The following UBAP2 variants were observed in gnomAD, a reference collection of about 807,000 sequenced individuals.
The protein encoded by UBAP2 is ubiquitin-associated protein 2.
In UBAP2, 75 loss-of-function variants were observed where a neutral mutation model predicts 139.6. The ratio of observed to expected loss-of-function variants is 0.54; its 90% CI spans 0.45 to 0.65. UBAP2 has a LOEUF of 0.65. Ranked by LOEUF, UBAP2 falls within the 30% of genes least tolerant of loss-of-function variation. UBAP2 has a pLI of 0.00. For missense variants in UBAP2, 1,368 were observed against 1,369.6 expected, an observed-to-expected ratio of 1.00 and a Z score of 0.02; for synonymous variants, 526 against 526.2, an observed-to-expected ratio of 1.00 and a Z score of 0.01.
chr9:33,999,164 T>C (rs1375448454), intron 2 of UBAP2, among the ~76,000 whole-genome samples: 1 of 152,022 alleles, frequency 6.6e-6, no homozygotes, highest in East Asian at 1.9e-4. Context: ...GGAAATCAGC[T>C]CAAGAGAAAG....
intron 12 of UBAP2, among the ~76,000 whole-genome samples, chr9:33,949,812 G>C (rs1825954300): frequency 6.6e-6 from 1 of 152,128 alleles, no homozygotes; most frequent in Non-Finnish European, 1.5e-5. Context: ...CGATACATAG[G>C]TATTTGAAGT....
chr9:33,987,427 T>C (rs1587617696), intron 5 of UBAP2, among the ~76,000 whole-genome samples: 1 of 151,636 alleles, frequency 6.6e-6, no homozygotes, highest in East Asian at 1.9e-4. Flanking sequence ...AAATACAACA[T>C]ACAAAATACA....
chr9:33,947,718 G>A (rs1208851424), intron 13 of UBAP2, among the ~76,000 whole-genome samples: 3 of 151,808 alleles, frequency 2.0e-5, no homozygotes, highest in Non-Finnish European at 2.9e-5. Flanking sequence ...CCACCTACTA[G>A]AGAGGCTGAG....
intron 4 of UBAP2, among the ~76,000 whole-genome samples, chr9:33,992,677 G>A (rs1226544220): frequency 6.6e-6 from 1 of 151,490 alleles, no homozygotes; most frequent in Non-Finnish European, 1.5e-5. Context: ...GGCACAAATA[G>A]GGAAAAGAAC....
intron 1 of UBAP2, among the ~76,000 whole-genome samples, chr9:34,046,066 A>G (rs1288404277): frequency 6.6e-6 from 1 of 152,160 alleles, no homozygotes; most frequent in African/African-American, 2.4e-5. Flanking sequence ...TAAGAGCTCC[A>G]TTTACTCAAA....
chr9:34,003,432 C>T (rs1417175371), intron 2 of UBAP2, among the ~76,000 whole-genome samples: 3 of 136,606 alleles, frequency 2.2e-5, no homozygotes, highest in Non-Finnish European at 3.1e-5. Context: ...AGTGCAGTGG[C>T]GTGATCGCGA....
At chr9:34,017,018 A>C in intron 2 of UBAP2, 32 bp downstream of exon 2, 1 of 719,122 alleles carries the variant, frequency 1.4e-6, no homozygotes, top group African/African-American at 4.5e-5. Flanking sequence ...AAAAAAAAGG[A>C]AAAAAAAAAA....
chr9:33,986,699 C>G (rs776915347), intron 6 of UBAP2, 61 bp downstream of exon 6: 1 of 1,406,522 alleles, frequency 7.1e-7, no homozygotes, highest in Non-Finnish European at 1.0e-6. Context: ...AGTCCAGCAA[C>G]GCAACTGCCT....
chr9:33,995,340 G>C (rs1046926473), intron 4 of UBAP2: 1 of 22,866 alleles, frequency 4.4e-5, no homozygotes, highest in Non-Finnish European at 1.4e-4. Flanking sequence ...CTGGGTGGCA[G>C]AGTGAGGCTG....
At chr9:33,927,250 A>G (rs556306901) in intron 20 of UBAP2, among the ~76,000 whole-genome samples, 170 bp from the exon 21 acceptor site, 58 of 152,298 alleles carry the variant, frequency 3.8e-4, no homozygotes, top group African/African-American at 1.2e-3. Context: ...GGGGAGACAG[A>G]AAGCCCGGCC....
chr9:34,017,832 C>G (rs968875220), intron 1 of UBAP2, among the ~76,000 whole-genome samples: 2 of 151,628 alleles, frequency 1.3e-5, no homozygotes, highest in African/African-American at 4.8e-5. Context: ...GAGGCCAAGG[C>G]AGGAGAATGG....
intron 1 of UBAP2, among the ~76,000 whole-genome samples, chr9:34,042,550 G>A (rs761792859): frequency 1.2e-4 from 18 of 151,608 alleles, no homozygotes; most frequent in Non-Finnish European, 2.4e-4. Context: ...GACTCTGGGA[G>A]GCCAAGCAGG....
chr9:33,953,507 A>G, intron 11 of UBAP2, 33 bp from the exon 12 acceptor site: 1 of 1,587,184 alleles, frequency 6.3e-7, no homozygotes, highest in Non-Finnish European at 8.6e-7. Flanking sequence ...GGAACCAGTC[A>G]TAAGCAAATC....
chr9:33,941,943 C>A, intron 15 of UBAP2, 81 bp from the exon 16 acceptor site: 1 of 921,518 alleles, frequency 1.1e-6, no homozygotes, highest in South Asian at 1.6e-5. Context: ...AACAGCTTCA[C>A]GAGATGCAAC....
intron 20 of UBAP2, 31 bp downstream of exon 20, chr9:33,927,766 G>A: frequency 1.3e-6 from 2 of 1,582,040 alleles, no homozygotes; most frequent in Non-Finnish European, 8.6e-7. Flanking sequence ...GGGGCTCAGG[G>A]GTGGGCAGGA....
intron 1 of UBAP2, among the ~76,000 whole-genome samples, chr9:34,018,646 A>C (rs1381909636): frequency 6.6e-6 from 1 of 152,048 alleles, no homozygotes; most frequent in Non-Finnish European, 1.5e-5. Context: ...GGAGGACCAC[A>C]AGGTCAGGAG....
chr9:34,004,618 T>TA lies in UBAP2; in HGVS notation c.100-5755dup, dbSNP rs1437240041. On this transcript the variant is annotated intron_variant, in intron 2 of 28. Coordinates refer to ENST00000379238, the MANE Select transcript of UBAP2 (RefSeq NM_001370062.2). Reference sequence around the variant, plus strand: ...TAACACGGTGAAACCCCGTCTCTACTAAAAAAATACAAAAAATTAGCCGAG... The same window carrying TA: ...TAACACGGTGAAACCCCGTCTCTACTAAAAAAAATACAAAAAATTAGCCGAG... Among the ~76,000 whole-genome samples, 10 of 150,854 alleles carry TA rather than the reference T, an allele frequency of 6.6e-5. 1 individual carries two copies. Among genetic ancestry groups the TA allele is most frequent in the Middle Eastern group, 3.4e-3 (1 of 290 alleles).
chr9:33,948,317 C>T, intron 13 of UBAP2, 57 bp downstream of exon 13: 1 of 1,457,518 alleles, frequency 6.9e-7, no homozygotes, highest in South Asian at 1.5e-5. Context: ...TCAACACACT[C>T]TGCCAAAGCT....
chr9:33,957,112 T>G (rs1826635637), intron 10 of UBAP2, among the ~76,000 whole-genome samples: 1 of 151,864 alleles, frequency 6.6e-6, no homozygotes, highest in African/African-American at 2.4e-5. Flanking sequence ...GAAGAAGTCA[T>G]TAAGAAGTTT....
Sources: gnomAD v4.1 joint callset for allele counts (sites outside exome capture counted in the v4.1 genomes callset) on GRCh38, gnomAD v4.1.1 for gene constraint, MANE v1.5 for transcripts, NCBI Gene and HGNC (gene_info 2026-07-23, HGNC 2026-07-21) for gene names.